LRRIQ1: variants seen among roughly 807,000 people sequenced by gnomAD.
LRRIQ1 encodes the protein leucine rich repeats and IQ motif containing 1.
In LRRIQ1, 210 loss-of-function variants were observed where a neutral mutation model predicts 211.9. The ratio of observed to expected loss-of-function variants is 0.99; its 90% CI spans 0.89 to 1.11. The LOEUF is 1.11. LRRIQ1 is among the 50% of genes most tolerant of loss of function. The pLI is 0.00. For synonymous variants in LRRIQ1, 699 were observed against 650.1 expected, an observed-to-expected ratio of 1.08 and a Z score of -1.14; for missense variants, 2,136 against 1,939.5, an observed-to-expected ratio of 1.10 and a Z score of -1.90.
chr12:85,228,310 T>C lies in LRRIQ1; in HGVS notation c.4823-1207T>C, dbSNP rs558765067. Among the ~76,000 whole-genome samples the C allele has an allele frequency of 1.3e-3, 203 of 152,322 alleles. 1 individual carries two copies. The highest frequency in any genetic ancestry group is 4.6e-3 in the African/African-American group (193 of 41,568). On this transcript the variant is annotated intron_variant, in intron 24 of 26. Coordinates refer to ENST00000393217, the MANE Select transcript of LRRIQ1 (RefSeq NM_001079910.2). ...CTAATATCCAGAATCTACAAAGAAC[T>C]TTTGTATAATTATAAGGCTATTTAT...
intron 23 of LRRIQ1, among the ~76,000 whole-genome samples, chr12:85,154,298 A>T (rs200995185): frequency 7.4e-6 from 1 of 136,024 alleles, no homozygotes; most frequent in Non-Finnish European, 1.6e-5. Flanking sequence ...CACTATTTTT[A>T]CTTTTTCGGC....
At chr12:85,184,821 A>G (rs759240099) in intron 24 of LRRIQ1, among the ~76,000 whole-genome samples, 5 of 152,138 alleles carry the variant, frequency 3.3e-5, no homozygotes, top group Non-Finnish European at 5.9e-5. Context: ...AATGTTAAAC[A>G]TACGTTTGAT....
chr12:85,044,864 C>G (rs185974865), intron 4 of LRRIQ1, 55 bp downstream of exon 4: 9 of 767,740 alleles, frequency 1.2e-5, no homozygotes, highest in South Asian at 1.0e-4. Context: ...GAAATTTTCT[C>G]TCTTACACAA....
At chr12:85,077,230 T>C (rs771796291) in intron 11 of LRRIQ1, among the ~76,000 whole-genome samples, 39 of 152,202 alleles carry the variant, frequency 2.6e-4, no homozygotes, top group Non-Finnish European at 5.1e-4. Context: ...TATTAGACCA[T>C]TGGCTCATTT....
Position 85,057,131 on chromosome 12 carries a change from G to A in LRRIQ1, c.2338G>A (p.Ala780Thr), listed in dbSNP as rs190109869. 2.2e-5 allele frequency: 35 copies of A among 1,580,138 alleles called. No homozygotes were observed. The East Asian group carries it at 4.3e-4, about 19-fold the overall frequency. ...PVKCPANMTP[A>T]LDKLEILRCG... is the part of the protein sequence containing the mutation. Reference sequence around the variant, plus strand: ...GAAATGCCCAGCCAACATGACACCCGCTTTGGATAAACTGGAAATTCTTCG... The same window carrying A: ...GAAATGCCCAGCCAACATGACACCCACTTTGGATAAACTGGAAATTCTTCG... The change falls in exon 8 of 27, where the codon GCT (alanine) becomes ACT (threonine). Residue 780 changes from alanine (A) to threonine (T), a missense_variant. Coordinates refer to ENST00000393217, the MANE Select transcript of LRRIQ1 (RefSeq NM_001079910.2).
intron 1 of LRRIQ1, among the ~76,000 whole-genome samples, chr12:85,259,317 A>G (rs1337179943): frequency 3.3e-5 from 5 of 151,964 alleles, no homozygotes; most frequent in Admixed American, 2.6e-4. Context: ...GTCTCTTGCT[A>G]TTTTATTTTC....
intron 11 of LRRIQ1, among the ~76,000 whole-genome samples, chr12:85,097,450 C>G (rs1306025034): frequency 1.3e-5 from 2 of 151,524 alleles, no homozygotes; most frequent in East Asian, 1.9e-4. Context: ...GATGTTCCCC[C>G]CGCTGTGTCC....
chr12:85,047,152 T>A (rs917892085), intron 5 of LRRIQ1, 95 bp from the exon 6 acceptor site: 29 of 864,084 alleles, frequency 3.4e-5, no homozygotes, highest in African/African-American at 7.6e-5. Context: ...AAAGTAAAAT[T>A]AAAAAAAAAT....
At chr12:85,150,434 A>G (rs1890166091) in intron 19 of LRRIQ1, among the ~76,000 whole-genome samples, 1 of 151,824 alleles carries the variant, frequency 6.6e-6, no homozygotes, top group Admixed American at 6.6e-5. Context: ...CCTTATTTTA[A>G]CAGAAAAGTC....
At chr12:85,228,471 C>T (rs1359793389) in intron 24 of LRRIQ1, among the ~76,000 whole-genome samples, 2 of 152,018 alleles carry the variant, frequency 1.3e-5, no homozygotes, top group Non-Finnish European at 2.9e-5. Context: ...AACATAAGGT[C>T]GCATAAGAAG....
intron 19 of LRRIQ1, among the ~76,000 whole-genome samples, chr12:85,141,566 A>T (rs1889535003): frequency 7.1e-6 from 1 of 140,608 alleles, no homozygotes. Flanking sequence ...TGATATTTTT[A>T]TACCTACAGC....
At chr12:85,070,189 T>G (rs935905705) in intron 10 of LRRIQ1, among the ~76,000 whole-genome samples, 3 of 152,052 alleles carry the variant, frequency 2.0e-5, no homozygotes, top group Admixed American at 6.6e-5. Context: ...GGTGGTGTTC[T>G]GTGCTTTATA....
At chr12:85,106,714 GTTAA>G in intron 15 of LRRIQ1, 99 bp downstream of exon 15, 1 of 757,740 alleles carries the variant, frequency 1.3e-6, no homozygotes, top group South Asian at 1.8e-5. Context: ...CCTAGGATAA[GTTAA>G]TTAAAAAATT....
intron 26 of LRRIQ1, among the ~76,000 whole-genome samples, chr12:85,233,697 G>C (rs992662943): frequency 6.6e-6 from 1 of 152,108 alleles, no homozygotes; most frequent in South Asian, 2.1e-4. Context: ...GTGTGTTTTG[G>C]AAAATATTTT....
chr12:85,072,883 T>C (rs1220184858), intron 10 of LRRIQ1, 24 bp from the exon 11 acceptor site: 10 of 1,554,618 alleles, frequency 6.4e-6, no homozygotes, highest in Non-Finnish European at 8.7e-6. Flanking sequence ...ATATATTTGG[T>C]CTTAATTCTG....
chr12:85,128,320 C>T (rs1888525741), intron 18 of LRRIQ1, among the ~76,000 whole-genome samples: 1 of 152,112 alleles, frequency 6.6e-6, no homozygotes, highest in Non-Finnish European at 1.5e-5. Flanking sequence ...CTCATCAAGG[C>T]AGGATGTGGT....
chr12:85,127,044 G>A (rs774920901), intron 17 of LRRIQ1, among the ~76,000 whole-genome samples: 11 of 152,096 alleles, frequency 7.2e-5, no homozygotes, highest in Non-Finnish European at 1.3e-4. Flanking sequence ...GAGTAAGAGA[G>A]AATAGTCAGC....
intron 1 of LRRIQ1, among the ~76,000 whole-genome samples, chr12:85,260,466 CACTTG>C (rs765733748): frequency 1.6e-4 from 25 of 152,222 alleles, no homozygotes; most frequent in Middle Eastern, 3.4e-3. Context: ...GCTTGGAAGG[CACTTG>C]ACTTAGCTTA....
In LRRIQ1 at chr12:85,047,235, T is replaced by G. The variant is rs773657252; in HGVS notation, c.455-12T>G. On this transcript the variant is annotated splice_polypyrimidine_tract_variant and intron_variant, in intron 5 of 26. Coordinates refer to ENST00000393217, the MANE Select transcript of LRRIQ1 (RefSeq NM_001079910.2). Reference sequence around the variant, plus strand: ...TTACAAATGATGATGTTATTTTTCTTCATGAGTGCAGATGATGCTGATATA... The same window carrying G: ...TTACAAATGATGATGTTATTTTTCTGCATGAGTGCAGATGATGCTGATATA... The G allele has an allele frequency of 6.5e-7, 1 of 1,547,862 alleles. No individual in the cohort carries two copies.
Sources: allele counts gnomAD v4.1 joint callset (sites outside exome capture counted in the v4.1 genomes callset), GRCh38; gene constraint gnomAD v4.1.1; transcripts MANE v1.5; gene names NCBI Gene and HGNC (gene_info 2026-07-23, HGNC 2026-07-21).